ZNF560: variants seen among roughly 807,000 people sequenced by gnomAD.
ZNF560 encodes the protein zinc finger protein 560.
A neutral mutation model predicts 81.8 loss-of-function variants in ZNF560; 54 were observed. That is an observed-to-expected ratio of 0.66 (90% confidence interval 0.53 to 0.83). ZNF560 has a LOEUF of 0.83. Among genes scored for constraint, ZNF560 ranks in the 40% least tolerant of loss-of-function variants. The pLI is 0.00. For missense variants in ZNF560, 940 were observed against 932.4 expected, an observed-to-expected ratio of 1.01 and a Z score of -0.11; for synonymous variants, 321 against 317.9, an observed-to-expected ratio of 1.01 and a Z score of -0.10.
At chr19:9,490,727 G>A (rs1459284846) in intron 2 of ZNF560, among the ~76,000 whole-genome samples, 2 of 152,198 alleles carry the variant, frequency 1.3e-5, no homozygotes, top group Non-Finnish European at 2.9e-5. Context: ...GTTTGCCAAT[G>A]TAAGTCTTGG....
chr19:9,446,727 G>A, the ZNF560 span, among the ~76,000 whole-genome samples: 1,143 of 152,172 alleles, frequency 7.5e-3, 14 homozygotes, highest in African/African-American at 0.026. Flanking sequence ...TACACAAAGC[G>A]AATAATCTCC....
rs117244799 is a variant in ZNF560 at position 9,496,993 on chromosome 19, A to G, written c.-57+1135T>C. ...AACAACGTAGATAGAACTGGAGGAC[A>G]GTACGTTAAGTGAAATAAACCAGGC... On this transcript the variant is annotated intron_variant, in intron 2 of 9. Transcript: ENST00000301480. Among the ~76,000 whole-genome samples, 932 of 152,160 alleles carry G rather than the reference A, an allele frequency of 6.1e-3. 7 individuals carry two copies. Among genetic ancestry groups the G allele is most frequent in the Non-Finnish European group, 6.9e-3 (472 of 68,016 alleles).
chr19:9,481,803 G>T (rs2073293761), intron 2 of ZNF560, among the ~76,000 whole-genome samples: 1 of 152,228 alleles, frequency 6.6e-6, no homozygotes, highest in African/African-American at 2.4e-5. Flanking sequence ...TGGAGAAATA[G>T]GAATGCTTCT....
At chr19:9,473,044 G>A (rs1450580518) in intron 5 of ZNF560, 135 bp downstream of exon 5, 8 of 740,894 alleles carry the variant, frequency 1.1e-5, no homozygotes, top group Non-Finnish European at 1.6e-5. Flanking sequence ...AGAATCGTGA[G>A]CCAAAATAAA....
Position 9,466,936 on chromosome 19 carries a change from G to A in ZNF560, c.2011C>T (p.Leu671=), listed in dbSNP as rs754564193. 2.5e-6 allele frequency: 4 copies of A among 1,614,072 alleles called. No homozygotes were observed. The highest frequency in any genetic ancestry group is 3.4e-6 in the Non-Finnish European group (4 of 1,180,022). ...CEKAYSRSCV[L]TQHLKTHAAE... is the part of the protein sequence containing the mutation. Reference sequence around the variant, plus strand: ...GCATGAGTTTTTAAGTGTTGAGTTAGTACACAAGACCTACTGTAAGCTTTT... The same window carrying A: ...GCATGAGTTTTTAAGTGTTGAGTTAATACACAAGACCTACTGTAAGCTTTT... Residue 671 remains leucine, a synonymous_variant, in exon 10 of 10, where the codon CTA becomes TTA. Transcript: ENST00000301480.
the ZNF560 span, among the ~76,000 whole-genome samples, chr19:9,506,411 G>GTT: frequency 1.1e-5 from 1 of 90,658 alleles, no homozygotes. Flanking sequence ...GCACGCTTCT[G>GTT]TTGTTTTTTT....
intron 3 of ZNF560, 70 bp downstream of exon 3, chr19:9,475,214 C>T (rs984052684): frequency 5.2e-6 from 8 of 1,537,018 alleles, no homozygotes; most frequent in Non-Finnish European, 7.2e-6. Context: ...GACACATCTG[C>T]CTAGAAGGAA....
chr19:9,487,591 G>A (rs1373417884), intron 2 of ZNF560, among the ~76,000 whole-genome samples: 1 of 152,204 alleles, frequency 6.6e-6, no homozygotes, highest in Non-Finnish European at 1.5e-5. Flanking sequence ...GACCAAAGCA[G>A]GAGGCTCTGA....
intron 2 of ZNF560, among the ~76,000 whole-genome samples, chr19:9,489,423 G>A (rs1314046421): frequency 6.0e-5 from 9 of 150,242 alleles, no homozygotes; most frequent in South Asian, 4.2e-4. Flanking sequence ...GAGCAGAGGC[G>A]CTCCTCACTT....
At chr19:9,498,052 A>T (rs1468719004) in intron 2 of ZNF560, 76 bp downstream of exon 2, 1 of 152,206 alleles carries the variant, frequency 6.6e-6, no homozygotes, top group Non-Finnish European at 1.5e-5. Context: ...AAAATGCCAA[A>T]ATCTCACATG....
intron 2 of ZNF560, among the ~76,000 whole-genome samples, chr19:9,480,316 A>G (rs2073266701): frequency 6.6e-6 from 1 of 152,222 alleles, no homozygotes; most frequent in South Asian, 2.1e-4. Context: ...AGCTGTAAGA[A>G]AATAGAAATC....
downstream of ZNF560, among the ~76,000 whole-genome samples, chr19:9,463,990 G>A (rs1285810310): frequency 3.3e-5 from 5 of 152,176 alleles, no homozygotes; most frequent in Admixed American, 1.3e-4. Flanking sequence ...GCTGATTCAG[G>A]ATTGGTAAAC....
chr19:9,504,382 C>T, the ZNF560 span, among the ~76,000 whole-genome samples: 2 of 152,090 alleles, frequency 1.3e-5, no homozygotes, highest in Non-Finnish European at 2.9e-5. Context: ...TTGCAGTAAG[C>T]CGAAATTGCA....
At chr19:9,482,351 C>T (rs1232827680) in intron 2 of ZNF560, among the ~76,000 whole-genome samples, 1 of 149,394 alleles carries the variant, frequency 6.7e-6, no homozygotes, top group Admixed American at 6.7e-5. Flanking sequence ...TGCAGCAAAC[C>T]AACATGGCAC....
the ZNF560 span, among the ~76,000 whole-genome samples, chr19:9,451,948 C>T: frequency 5.3e-5 from 8 of 151,992 alleles, no homozygotes; most frequent in Non-Finnish European, 1.0e-4. Flanking sequence ...TGGTGGCGAA[C>T]ATCTGTAATC....
chr19:9,462,840 C>T (rs1399875615), downstream of ZNF560, among the ~76,000 whole-genome samples: 2 of 152,092 alleles, frequency 1.3e-5, no homozygotes, highest in Non-Finnish European at 2.9e-5. Flanking sequence ...GTCCTAGGTA[C>T]CTGAATTTTC....
In ZNF560 at chr19:9,482,206, T is replaced by C. The variant is rs145884166; in HGVS notation, c.-56-6837A>G. ...ACCAAACACAGCATGTTCTCACTCA[T>C]AGGTGAGAATTGAACAATGAGAACA... On this transcript the variant is annotated intron_variant, in intron 2 of 9. Coordinates refer to ENST00000301480, the MANE Select transcript of ZNF560 (RefSeq NM_152476.3). Among the ~76,000 whole-genome samples, 380 of 151,688 alleles carry C rather than the reference T, an allele frequency of 2.5e-3. 1 individual carries two copies. Among genetic ancestry groups the C allele is most frequent in the African/African-American group, 6.9e-3 (286 of 41,354 alleles).
chr19:9,501,699 A>G (rs2073634792), upstream of ZNF560, among the ~76,000 whole-genome samples: 1 of 151,544 alleles, frequency 6.6e-6, no homozygotes. Flanking sequence ...AGGTTTCGCC[A>G]TGTTACCCAG....
At chr19:9,506,246 G>A in the ZNF560 span, among the ~76,000 whole-genome samples, 2 of 152,088 alleles carry the variant, frequency 1.3e-5, no homozygotes, top group African/African-American at 2.4e-5. Context: ...GCCTGCCTCA[G>A]CCTCCCAAAG....
Sources: allele counts gnomAD v4.1 joint callset (sites outside exome capture counted in the v4.1 genomes callset), GRCh38; gene constraint gnomAD v4.1.1; transcripts MANE v1.5; gene names NCBI Gene and HGNC (gene_info 2026-07-23, HGNC 2026-07-21).